FRMD4A: variants seen among roughly 807,000 people sequenced by gnomAD.
FRMD4A encodes the protein FERM domain-containing protein 4A.
A neutral mutation model predicts 129.1 loss-of-function variants in FRMD4A; 29 were observed. The observed-to-expected ratio is 0.22, with a 90% confidence interval of 0.17 to 0.31. The LOEUF is 0.31. Among genes scored for constraint, FRMD4A ranks in the 10% least tolerant of loss-of-function variants. The pLI, the probability that FRMD4A is intolerant of heterozygous loss-of-function variation, is 1.00. For synonymous variants in FRMD4A, 634 were observed against 571.6 expected (o/e 1.11, Z -1.56); for missense variants, 1,272 against 1,375.8 (o/e 0.92, Z 1.19).
intron 12 of FRMD4A, among the ~76,000 whole-genome samples, chr10:13,737,629 G>A (rs1339008258): frequency 6.6e-6 from 1 of 151,934 alleles, no homozygotes; most frequent in Non-Finnish European, 1.5e-5. Context: ...AATTATAACA[G>A]CTTAGATTTC....
chr10:13,715,850 G>A (rs1279872370), intron 12 of FRMD4A, among the ~76,000 whole-genome samples: 1 of 148,776 alleles, frequency 6.7e-6, no homozygotes, highest in African/African-American at 2.5e-5. Context: ...AGGTTGCAGT[G>A]AGCAGAGACG....
chr10:13,652,682 G>A (rs1041401445), intron 23 of FRMD4A, among the ~76,000 whole-genome samples: 1 of 152,194 alleles, frequency 6.6e-6, no homozygotes, highest in African/African-American at 2.4e-5. Context: ...CAGGAACACC[G>A]AGCTGGGGCT....
intron 17 of FRMD4A, among the ~76,000 whole-genome samples, chr10:13,666,796 C>T (rs949255599): frequency 6.6e-6 from 1 of 152,154 alleles, no homozygotes; most frequent in African/African-American, 2.4e-5. Context: ...GCCTCTGACT[C>T]TCACACTGTG....
intron 3 of FRMD4A, among the ~76,000 whole-genome samples, chr10:13,820,737 C>T (rs1162268305): frequency 1.3e-5 from 2 of 152,182 alleles, no homozygotes; most frequent in Non-Finnish European, 2.9e-5. Flanking sequence ...GGTTTGGACA[C>T]GCATGGCCGG....
At chr10:14,131,127 T>C (rs1212730214) in intron 2 of FRMD4A, among the ~76,000 whole-genome samples, 1 of 152,218 alleles carries the variant, frequency 6.6e-6, no homozygotes, top group Non-Finnish European at 1.5e-5. Flanking sequence ...AGTTGCAGCA[T>C]TTGTAGTAGA....
At chr10:13,920,748 C>A (rs1270896589) in intron 2 of FRMD4A, among the ~76,000 whole-genome samples, 2 of 152,176 alleles carry the variant, frequency 1.3e-5, no homozygotes, top group Non-Finnish European at 2.9e-5. Context: ...CACTATTATT[C>A]CAAAATTTTG....
chr10:13,692,942 C>A (rs1039425140), intron 15 of FRMD4A: 1 of 150,998 alleles, frequency 6.6e-6, no homozygotes, highest in Non-Finnish European at 1.5e-5. Context: ...CTGCTCACTG[C>A]AGCCTCAACC....
intron 2 of FRMD4A, among the ~76,000 whole-genome samples, chr10:14,304,853 T>C (rs1309171015): frequency 1.3e-5 from 2 of 152,214 alleles, no homozygotes; most frequent in African/African-American, 4.8e-5. Flanking sequence ...TGGATAAATA[T>C]CCCGGCTGCA....
At chr10:14,154,636 C>A (rs756291142) in intron 2 of FRMD4A, among the ~76,000 whole-genome samples, 2 of 152,130 alleles carry the variant, frequency 1.3e-5, no homozygotes, top group Non-Finnish European at 2.9e-5. Context: ...AAATTTATTG[C>A]TTTACCCTGA....
chr10:14,083,514 A>G (rs934715645), intron 2 of FRMD4A: 1 of 152,400 alleles, frequency 6.6e-6, no homozygotes, highest in African/African-American at 2.4e-5. Flanking sequence ...TTTGTCTTAG[A>G]TAAAGGGAAC....
intron 8 of FRMD4A, among the ~76,000 whole-genome samples, chr10:13,750,437 G>A (rs2091558662): frequency 6.6e-6 from 1 of 152,150 alleles, no homozygotes; most frequent in Admixed American, 6.5e-5. Flanking sequence ...AAGGTGAGAG[G>A]AGCTCCTACA....
At chr10:14,004,303 G>A (rs2095653736) in intron 2 of FRMD4A, among the ~76,000 whole-genome samples, 1 of 152,206 alleles carries the variant, frequency 6.6e-6, no homozygotes, top group African/African-American at 2.4e-5. Context: ...AGCACTTTGG[G>A]AGGCCAAGGC....
intron 2 of FRMD4A, among the ~76,000 whole-genome samples, chr10:14,042,006 A>G (rs184814586): frequency 1.8e-3 from 276 of 152,344 alleles, no homozygotes; most frequent in African/African-American, 6.2e-3. Context: ...TCACTTTGTG[A>G]AAAGTAAAGT....
chr10:13,856,192 T>C (rs2094211601), intron 3 of FRMD4A, among the ~76,000 whole-genome samples: 1 of 151,136 alleles, frequency 6.6e-6, no homozygotes, highest in Non-Finnish European at 1.5e-5. Context: ...AGATAGTGTG[T>C]GTATCTATAG....
intron 2 of FRMD4A, among the ~76,000 whole-genome samples, chr10:14,037,320 C>G (rs759227436): frequency 6.6e-6 from 1 of 152,158 alleles, no homozygotes; most frequent in African/African-American, 2.4e-5. Flanking sequence ...AGGGCTCAAG[C>G]GATTCTCCTG....
chr10:13,690,689 G>A (rs1453451985), intron 15 of FRMD4A, among the ~76,000 whole-genome samples: 1 of 152,186 alleles, frequency 6.6e-6, no homozygotes, highest in African/African-American at 2.4e-5. Flanking sequence ...CTGTGCAGCT[G>A]CAGAAAGGGC....
intron 2 of FRMD4A, among the ~76,000 whole-genome samples, chr10:14,046,719 G>A (rs1834005092): frequency 6.6e-6 from 1 of 152,190 alleles, no homozygotes; most frequent in South Asian, 2.1e-4. Context: ...GCTCACGGCT[G>A]TAATGCTTTG....
At chr10:13,955,267 C>T (rs186637221) in intron 2 of FRMD4A, among the ~76,000 whole-genome samples, 26 of 152,190 alleles carry the variant, frequency 1.7e-4, no homozygotes, top group African/African-American at 6.0e-4. Flanking sequence ...ACCACCACGT[C>T]CAGCTAATTT....
intron 3 of FRMD4A, among the ~76,000 whole-genome samples, chr10:13,835,576 C>T (rs2093860469): frequency 6.6e-6 from 1 of 152,074 alleles, no homozygotes; most frequent in South Asian, 2.1e-4. Flanking sequence ...ATTAGATACT[C>T]ATAGGAGTAT....
Sources: allele counts gnomAD v4.1 joint callset (sites outside exome capture counted in the v4.1 genomes callset), GRCh38; gene constraint gnomAD v4.1.1; transcripts MANE v1.5; gene names NCBI Gene and HGNC (gene_info 2026-07-23, HGNC 2026-07-21).